MYO3B: variants seen among roughly 807,000 people sequenced by gnomAD.
MYO3B encodes myosin IIIB.
A neutral mutation model predicts 174.6 loss-of-function variants in MYO3B; 156 were observed. The observed-to-expected ratio is 0.89, with a 90% CI of 0.78 to 1.02. The LOEUF (loss-of-function observed/expected upper bound fraction) is 1.02. MYO3B is among the 50% of genes least tolerant of loss of function. The probability of loss-of-function intolerance (pLI) is 0.00; values close to 1 mark genes in which losing one functional copy is unlikely to be tolerated. For synonymous variants in MYO3B, 563 were observed against 569.1 expected (o/e 0.99, Z 0.15); for missense variants, 1,632 against 1,639.4 (o/e 1.00, Z 0.08).
chr2:170,445,688 G>A (rs774641351), intron 23 of MYO3B, among the ~76,000 whole-genome samples: 21 of 151,986 alleles, frequency 1.4e-4, no homozygotes, highest in Non-Finnish European at 2.4e-4. Flanking sequence ...AGGCTGGAGT[G>A]TAGTGGCATG....
intron 8 of MYO3B, chr2:170,342,317 A>G (rs2093982046): frequency 6.6e-6 from 1 of 152,094 alleles, no homozygotes; most frequent in African/African-American, 2.4e-5. Flanking sequence ...ATTACACTTG[A>G]TTTTCATACT....
intron 32 of MYO3B, among the ~76,000 whole-genome samples, chr2:170,583,875 A>G (rs1220070870): frequency 1.3e-5 from 2 of 152,210 alleles, no homozygotes; most frequent in East Asian, 3.8e-4. Context: ...CATCTTGAAG[A>G]TGTGATTTTC....
At chr2:170,240,091 G>A (rs1200388775) in intron 7 of MYO3B, among the ~76,000 whole-genome samples, 1 of 152,120 alleles carries the variant, frequency 6.6e-6, no homozygotes, top group African/African-American at 2.4e-5. Flanking sequence ...CATAGACTTA[G>A]GGCTTATCCT....
intron 16 of MYO3B, among the ~76,000 whole-genome samples, chr2:170,396,185 C>G (rs966946278): frequency 1.3e-5 from 2 of 152,098 alleles, no homozygotes; most frequent in African/African-American, 4.8e-5. Flanking sequence ...AGCAGCGTAG[C>G]AAGATTCTGC....
chr2:170,634,198 C>T lies in MYO3B; in HGVS notation c.3734-17430C>T, dbSNP rs115176502. Among the ~76,000 whole-genome samples, 997 of 152,254 alleles carry T rather than the reference C, an allele frequency of 6.5e-3. 8 individuals are homozygous for T. The highest frequency in any genetic ancestry group is 0.034 in the Middle Eastern group (10 of 294). Reference sequence around the variant, plus strand: ...CAAAAAAACAAAGCTGGAAGAATCACGCTACCGGACTTCAAACAATACTAC... The same window carrying T: ...CAAAAAAACAAAGCTGGAAGAATCATGCTACCGGACTTCAAACAATACTAC... On this transcript the variant is annotated intron_variant, in intron 32 of 34. Transcript: ENST00000408978.
intron 8 of MYO3B, among the ~76,000 whole-genome samples, chr2:170,351,952 G>T (rs1356681439): frequency 2.0e-5 from 3 of 152,260 alleles, no homozygotes; most frequent in South Asian, 2.1e-4. Context: ...TCTTTGTTTG[G>T]TTTTTTGTTG....
At chr2:170,595,210 C>G (rs1164081798) in intron 32 of MYO3B, among the ~76,000 whole-genome samples, 2 of 152,160 alleles carry the variant, frequency 1.3e-5, no homozygotes, top group Admixed American at 1.3e-4. Flanking sequence ...ACATGCCAAT[C>G]ACACCAGGTA....
intron 8 of MYO3B, among the ~76,000 whole-genome samples, chr2:170,360,742 G>A (rs548848636): frequency 6.6e-6 from 1 of 152,308 alleles, no homozygotes; most frequent in South Asian, 2.1e-4. Context: ...ATTAAGTACT[G>A]GATAAACAGG....
rs775698794 is a variant in MYO3B, at chr2:170,400,241, T to G, written c.1845T>G (p.Ile615Met). 12 of 1,613,872 alleles carry G rather than the reference T, an allele frequency of 7.4e-6. No individual in the cohort carries two copies. In the African/African-American group the frequency reaches 1.5e-4, roughly 20 times the overall value. Reference protein sequence around the residue: ...ILAGILNIGNIEFAAISSQHQ... With the variant: ...ILAGILNIGNMEFAAISSQHQ... The stretch of plus-strand genomic sequence containing the variant: ...CTGGGATTTTGAATATTGGGAACAT[T>G]GAGTTCGCAGCTATTTCCTCTCAAC... The change falls in exon 17 of 35, where the codon ATT becomes ATG. Residue 615 changes from isoleucine to methionine, a missense_variant. By Grantham distance (10) the Ile-to-Met change is conservative. Coordinates refer to ENST00000408978, the MANE Select transcript of MYO3B (RefSeq NM_138995.5).
chr2:170,383,137 A>G lies in MYO3B; in HGVS notation c.1133A>G (p.Asp378Gly). The stretch of plus-strand genomic sequence containing the variant: ...TTGCTAATTTACACATATGTTGGAG[A>G]CATCTTAATTGCCTTAAACCCCTTC... ...ADLLIYTYVG[D>G]ILIALNPFQN... The change falls in exon 11 of 35, where the codon GAC becomes GGC. Residue 378 changes from aspartate (D) to glycine (G), a missense_variant. By Grantham distance (94) the Asp-to-Gly change is moderately conservative (BLOSUM62 -1). Transcript: ENST00000408978. 6.2e-7 allele frequency: 1 copy of G among 1,613,452 alleles called. No individual in the cohort carries two copies. Among genetic ancestry groups the G allele is most frequent in the Non-Finnish European group, 8.5e-7 (1 of 1,179,528 alleles).
At chr2:170,234,869 A>G (rs1407682319) in intron 6 of MYO3B, among the ~76,000 whole-genome samples, 2 of 151,774 alleles carry the variant, frequency 1.3e-5, no homozygotes, top group African/African-American at 4.8e-5. Context: ...CCATCTCACA[A>G]TCTCTCATCT....
intron 25 of MYO3B, among the ~76,000 whole-genome samples, chr2:170,472,673 C>CTATCTATT (rs367755209): frequency 0.04 from 5,640 of 142,284 alleles, 188 homozygotes; most frequent in Admixed American, 0.11. Context: ...CACTTTTTAT[C>CTATCTATT]TATTTATTTA....
At chr2:170,624,155 A>T (rs1375353606) in intron 32 of MYO3B, among the ~76,000 whole-genome samples, 1 of 152,134 alleles carries the variant, frequency 6.6e-6, no homozygotes, top group African/African-American at 2.4e-5. Flanking sequence ...TCTATAAATT[A>T]CCTAGGGCAG....
chr2:170,626,453 G>A (rs1202492028), intron 32 of MYO3B, among the ~76,000 whole-genome samples: 12 of 151,680 alleles, frequency 7.9e-5, no homozygotes, highest in South Asian at 2.1e-4. Context: ...GTCTCTGCAC[G>A]TGAGATGGGT....
intron 32 of MYO3B, among the ~76,000 whole-genome samples, chr2:170,581,485 A>G (rs1357743203): frequency 1.3e-5 from 2 of 152,058 alleles, no homozygotes; most frequent in Non-Finnish European, 2.9e-5. Flanking sequence ...TAACAGTTTT[A>G]TTAGTTTCTT....
At chr2:170,456,747 G>T (rs377295182) in intron 23 of MYO3B, among the ~76,000 whole-genome samples, 1 of 152,198 alleles carries the variant, frequency 6.6e-6, no homozygotes, top group African/African-American at 2.4e-5. Context: ...TTATATGTGC[G>T]CAAGGCAGCA....
rs147907863 is a variant in MYO3B, at chr2:170,296,128, T to G, written c.750-39257T>G. Among the ~76,000 whole-genome samples the G allele has an allele frequency of 1.8e-3, 280 of 152,290 alleles. 1 individual carries two copies. The highest frequency in any genetic ancestry group is 6.5e-3 in the African/African-American group (272 of 41,558). ...TAATAGGGCTTTCAAAGGTGGAAGA[T>G]CTTTCCCAGTGAGAGACAGGCCCTA... On this transcript the variant is annotated intron_variant, in intron 7 of 34. Coordinates refer to ENST00000408978, the MANE Select transcript of MYO3B (RefSeq NM_138995.5).
chr2:170,352,593 G>A (rs1005068705), intron 8 of MYO3B, among the ~76,000 whole-genome samples: 8 of 152,162 alleles, frequency 5.3e-5, no homozygotes, highest in South Asian at 4.1e-4. Flanking sequence ...GGCTGGTTGC[G>A]GATAGGGGTG....
intron 7 of MYO3B, among the ~76,000 whole-genome samples, chr2:170,279,238 C>T (rs1169290672): frequency 4.6e-5 from 7 of 152,084 alleles, no homozygotes; most frequent in Admixed American, 1.3e-4. Flanking sequence ...TTCTAATTTA[C>T]ATTCCCATCA....
Sources: allele counts gnomAD v4.1 joint callset (sites outside exome capture counted in the v4.1 genomes callset), GRCh38; gene constraint gnomAD v4.1.1; transcripts MANE v1.5; gene names NCBI Gene and HGNC (gene_info 2026-07-23, HGNC 2026-07-21).